ATM: variants seen among roughly 807,000 people sequenced by gnomAD.
ATM encodes the protein ATM serine/threonine kinase.
In ATM, 308 loss-of-function variants were observed where a neutral mutation model predicts 387.0. The observed-to-expected ratio is 0.80, with a 90% CI of 0.73 to 0.87. ATM has a LOEUF of 0.87. Ranked by LOEUF, ATM falls within the 40% of genes least tolerant of loss-of-function variation. ATM has a pLI of 0.00. For missense variants in ATM, 3,312 were observed against 3,560.9 expected, an observed-to-expected ratio of 0.93 and a Z score of 1.78; for synonymous variants, 1,156 against 1,187.3, an observed-to-expected ratio of 0.97 and a Z score of 0.54.
chr11:108,258,436 G>A lies in ATM; in HGVS notation c.2377-550G>A, dbSNP rs918421191. ...ACCCAAACTATGTGGTATGCGTAGCGGGGCTAGTGAGCAACACAACAATAA... is the reference window on the plus strand; with the variant it reads ...ACCCAAACTATGTGGTATGCGTAGCAGGGCTAGTGAGCAACACAACAATAA... On this transcript the variant is annotated intron_variant, in intron 15 of 62. Coordinates refer to ENST00000675843, the MANE Select transcript of ATM (RefSeq NM_000051.4). Among the ~76,000 whole-genome samples the A allele has an allele frequency of 4.6e-5, 7 of 152,198 alleles. No homozygotes were observed. In the East Asian group the frequency reaches 1.2e-3, roughly 25 times the overall value.
intron 22 of ATM, among the ~76,000 whole-genome samples, chr11:108,276,342 C>A (rs1353644830): frequency 6.6e-6 from 1 of 152,200 alleles, no homozygotes; most frequent in Non-Finnish European, 1.5e-5. Context: ...TATTACCCAT[C>A]TTCCGAAGCC....
intron 56 of ATM, among the ~76,000 whole-genome samples, 178 bp from the exon 57 acceptor site, chr11:108,343,044 C>T (rs2087779647): frequency 6.6e-6 from 1 of 152,154 alleles, no homozygotes; most frequent in Non-Finnish European, 1.5e-5. Flanking sequence ...AAATTATATT[C>T]TTTGAGCTTA....
chr11:108,358,553 G>T (rs1200754007), intron 61 of ATM, among the ~76,000 whole-genome samples: 1 of 126,830 alleles, frequency 7.9e-6, no homozygotes, highest in African/African-American at 3.0e-5. Context: ...GAGAAAGGTC[G>T]GGTTACCCTC....
In ATM at chr11:108,310,221, G is replaced by T. The variant is rs1286443989; in HGVS notation, c.5824G>T (p.Ala1942Ser). 3 of 1,613,466 alleles carry T rather than the reference G, an allele frequency of 1.9e-6. No homozygotes were observed. In the Admixed American group the frequency reaches 5.0e-5, roughly 27 times the overall value. ...FWLDLNYLEV[A>S]KVAQSCAAHF... is the part of the protein sequence containing the mutation. Reference sequence around the variant, plus strand: ...GCTGGATTTAAATTATCTAGAAGTTGCCAAGGTAGCTCAGTCTTGTGCTGC... The same window carrying T: ...GCTGGATTTAAATTATCTAGAAGTTTCCAAGGTAGCTCAGTCTTGTGCTGC... Residue 1942 changes from alanine to serine, a missense_variant, in exon 39 of 63, where the codon GCC (alanine) becomes TCC (serine). Physicochemically the swap from Ala to Ser is moderately conservative, Grantham distance 99. Coordinates refer to ENST00000675843, the MANE Select transcript of ATM (RefSeq NM_000051.4).
At chr11:108,259,636 G>C (rs1033696126) in intron 16 of ATM, among the ~76,000 whole-genome samples, 1 of 152,036 alleles carries the variant, frequency 6.6e-6, no homozygotes, top group East Asian at 1.9e-4. Flanking sequence ...TAAAAATTGG[G>C]AACGAATCAT....
intron 61 of ATM, among the ~76,000 whole-genome samples, chr11:108,358,038 C>A (rs227047): frequency 0.58 from 75,994 of 130,770 alleles, 24,090 homozygotes; most frequent in Middle Eastern, 0.75. Flanking sequence ...AATAAGTTGA[C>A]AACTTTGAAA....
Position 108,330,200 on chromosome 11 carries a change from T to G in ATM, c.7308-14T>G. ...TCATGGCTTTTGTGTTTTACCTTAA[T>G]TATTCTATGCAAGATACACAGTAAA... On this transcript the variant is annotated splice_polypyrimidine_tract_variant and intron_variant, in intron 49 of 62. Coordinates refer to ENST00000675843, the MANE Select transcript of ATM (RefSeq NM_000051.4). 6.2e-7 allele frequency: 1 copy of G among 1,611,102 alleles called. No individual in the cohort carries two copies. Among genetic ancestry groups the G allele is most frequent in the Non-Finnish European group, 8.5e-7 (1 of 1,177,532 alleles).
At chr11:108,242,952 G>A (rs1417698144) in intron 5 of ATM, among the ~76,000 whole-genome samples, 2 of 152,148 alleles carry the variant, frequency 1.3e-5, no homozygotes, top group Admixed American at 6.5e-5. Context: ...AGGCACAGTG[G>A]CTTATGCGTG....
chr11:108,359,360 C>T (rs1438883840), intron 61 of ATM, among the ~76,000 whole-genome samples: 3 of 152,090 alleles, frequency 2.0e-5, no homozygotes, highest in South Asian at 4.2e-4. Flanking sequence ...GACTTTAACA[C>T]CCCACTGTCA....
intron 61 of ATM, 21 bp downstream of exon 61, chr11:108,354,895 GA>G (rs1458408845): frequency 3.1e-6 from 5 of 1,594,584 alleles, no homozygotes; most frequent in Non-Finnish European, 4.3e-6. Flanking sequence ...TTATAAGGAA[GA>G]CTTTATTTTT....
chr11:108,258,147 T>G (rs144328186), intron 15 of ATM, among the ~76,000 whole-genome samples: 100 of 152,296 alleles, frequency 6.6e-4, no homozygotes, highest in Middle Eastern at 3.4e-3. Context: ...CAAGTGATGC[T>G]TACATCTCAA....
chr11:108,326,027 T>G (rs2136329740), intron 46 of ATM, 31 bp from the exon 47 acceptor site: 1 of 1,608,960 alleles, frequency 6.2e-7, no homozygotes, highest in Non-Finnish European at 8.5e-7. Flanking sequence ...GTAGTAAAAG[T>G]ATTTATTCCC....
chr11:108,294,648 T>G (rs945254338), intron 31 of ATM, among the ~76,000 whole-genome samples: 2 of 152,150 alleles, frequency 1.3e-5, no homozygotes, highest in Non-Finnish European at 2.9e-5. Flanking sequence ...GCTGAGACAT[T>G]AGAATCACTT....
At position 108,354,568 on chromosome 11, in the gene ATM, TA is replaced by T. The variant is rs565673266; in HGVS notation, c.8787-241del. On this transcript the variant is annotated intron_variant, in intron 60 of 62. Coordinates refer to ENST00000675843, the MANE Select transcript of ATM (RefSeq NM_000051.4). ...AGCTGAGCCCAGTGGTGCATGCCTG[TA>T]ATCAATAGTGTTGTGTTATTCTTGT... Among the ~76,000 whole-genome samples, 60 of 152,352 alleles carry T rather than the reference TA, an allele frequency of 3.9e-4. 1 individual carries two copies. Among genetic ancestry groups the T allele is most frequent in the African/African-American group, 1.3e-3 (54 of 41,582 alleles).
At position 108,347,277 on chromosome 11, in the gene ATM, A is replaced by T. The variant is rs1060501700; in HGVS notation, c.8585-2A>T. ...CAGATTGTTTGTTTCTTTTTTCTCCAGTTGGTTACATACTTGGACTTGGTG... is the reference window on the plus strand; with the variant it reads ...CAGATTGTTTGTTTCTTTTTTCTCCTGTTGGTTACATACTTGGACTTGGTG... On this transcript the variant is annotated splice_acceptor_variant, in intron 58 of 62. Coordinates refer to ENST00000675843, the MANE Select transcript of ATM (RefSeq NM_000051.4). LOFTEE classifies it high-confidence loss of function. 1 of 1,599,888 alleles carries T rather than the reference A, an allele frequency of 6.3e-7. No individual in the cohort carries two copies. Among genetic ancestry groups the T allele is most frequent in the Non-Finnish European group, 8.6e-7 (1 of 1,167,320 alleles).
At chr11:108,257,343 T>C in intron 14 of ATM, 138 bp from the exon 15 acceptor site, 1 of 1,115,986 alleles carries the variant, frequency 9.0e-7, no homozygotes, top group Admixed American at 2.5e-5. Context: ...GTGGAACTTC[T>C]AAAAACATTT....
At chr11:108,298,719 A>G (rs2083252543) in intron 33 of ATM, among the ~76,000 whole-genome samples, 1 of 152,186 alleles carries the variant, frequency 6.6e-6, no homozygotes, top group African/African-American at 2.4e-5. Flanking sequence ...AAGAAATTAA[A>G]AGCATGCCAA....
At chr11:108,335,668 A>AT (rs1405971478) in intron 55 of ATM, among the ~76,000 whole-genome samples, 177 bp from the exon 56 acceptor site, 1 of 152,170 alleles carries the variant, frequency 6.6e-6, no homozygotes, top group Non-Finnish European at 1.5e-5. Context: ...ATCAGTGTAA[A>AT]TGTTGTAGCT....
intron 51 of ATM, 114 bp from the exon 52 acceptor site, chr11:108,331,765 T>A: frequency 7.4e-7 from 1 of 1,358,662 alleles, no homozygotes; most frequent in Non-Finnish European, 1.0e-6. Context: ...GCATACACGC[T>A]CTACCCACTG....
Sources: gnomAD v4.1 joint callset for allele counts (sites outside exome capture counted in the v4.1 genomes callset) on GRCh38, gnomAD v4.1.1 for gene constraint, MANE v1.5 for transcripts, NCBI Gene and HGNC (gene_info 2026-07-23, HGNC 2026-07-21) for gene names.